Variants in GRHL3 observed in about 807,000 individuals in gnomAD.
GRHL3 encodes grainyhead-like protein 3 homolog.
In GRHL3, 20 loss-of-function variants were observed where a neutral mutation model predicts 70.3. The ratio of observed to expected loss-of-function variants is 0.28; its 90% CI spans 0.20 to 0.41. The LOEUF is 0.41. Among genes scored for constraint, GRHL3 ranks in the 10% least tolerant of loss-of-function variants. The pLI is 1.00. For missense variants in GRHL3, 637 were observed against 762.3 expected (o/e 0.84, Z 1.94); for synonymous variants, 299 against 299.9 (o/e 1.00, Z 0.03).
At chr1:24,341,828 A>T (rs771684186) in intron 8 of GRHL3, among the ~76,000 whole-genome samples, 1 of 152,206 alleles carries the variant, frequency 6.6e-6, no homozygotes, top group Non-Finnish European at 1.5e-5. Context: ...TTGGCAGTCT[A>T]GCGGAAACTG....
rs576999029 is a variant in GRHL3 at position 24,347,680 on chromosome 1, C to T, written c.1629+127C>T. ...GCATGCCGGTGGCCTACCCGTCCCA[C>T]CCTGTCCAGGGGGCCTGAGGGGCCC... On this transcript the variant is annotated intron_variant, in intron 14 of 15. Transcript: ENST00000361548. 4.4e-5 allele frequency: 33 copies of T among 748,624 alleles called. No individual in the cohort carries two copies. The African/African-American group carries it at 5.5e-4, about 12-fold the overall frequency. 46.4% of individuals were successfully genotyped at this position (748,624 alleles called of 1,614,324 possible). A position where few individuals can be genotyped will look rare whatever the true frequency, so the allele number is the denominator to read the frequency against.
intron 15 of GRHL3, among the ~76,000 whole-genome samples, chr1:24,352,920 C>A (rs879550140): frequency 6.6e-6 from 1 of 152,322 alleles, no homozygotes; most frequent in South Asian, 2.1e-4. Context: ...CAGGGAGAGA[C>A]AACTGGATGT....
chr1:24,343,219 T>C, intron 11 of GRHL3, 194 bp downstream of exon 11: 1 of 572,628 alleles, frequency 1.7e-6, no homozygotes, highest in Non-Finnish European at 3.0e-6. Context: ...AAGAGAAGAA[T>C]GTTATGAAGA....
At position 24,331,544 on chromosome 1, in the gene GRHL3, G is replaced by T. The variant is rs764076634; in HGVS notation, c.136G>T (p.Ala46Ser). The change falls in exon 2 of 16, where the codon GCC (alanine) becomes TCC (serine). Residue 46 changes from alanine to serine, a missense_variant. Around this residue, in one of 2 missense-constraint regions of GRHL3, gnomAD observed 250 missense variants for 248.6 expected, o/e 1.01. Transcript: ENST00000361548. ...AAACCCGTTGACAGCTGCCACAAAGGCCATGATGAGAGTCAATGGAGATGA... is the reference window on the plus strand; with the variant it reads ...AAACCCGTTGACAGCTGCCACAAAGTCCATGATGAGAGTCAATGGAGATGA... The part of the protein sequence containing the change: ...LENPLTAATK[A>S]MMRVNGDDDS... 6.2e-7 allele frequency: 1 copy of T among 1,614,126 alleles called. No individual in the cohort carries two copies. The highest frequency in any genetic ancestry group is 8.5e-7 in the Non-Finnish European group (1 of 1,180,004).
downstream of GRHL3, among the ~76,000 whole-genome samples, chr1:24,355,828 C>CTA (rs2148670313): frequency 6.6e-6 from 1 of 152,270 alleles, no homozygotes; most frequent in East Asian, 1.9e-4. Context: ...TTGACAAATG[C>CTA]TACAAATCAA....
chr1:24,347,674 G>A (rs564959237), intron 14 of GRHL3, 121 bp downstream of exon 14: 143 of 754,276 alleles, frequency 1.9e-4, no homozygotes, highest in Non-Finnish European at 2.6e-4. Flanking sequence ...TGGCCTACCC[G>A]TCCCACCCTG....
Position 24,342,869 on chromosome 1 carries a change from C to T in GRHL3, c.1286-23C>T. On this transcript the variant is annotated intron_variant, in intron 10 of 15. Transcript: ENST00000361548. The surrounding 1 kb of genome is among the most constrained non-coding windows in gnomAD (Gnocchi z 4.8). ...ACTTGAGTGGAGGGACCTCGGGGCA[C>T]ATTGGCTTCCTTCTCCCATCAGGCG... 2 of 1,614,196 alleles carry T rather than the reference C, an allele frequency of 1.2e-6. No individual in the cohort carries two copies. The highest frequency in any genetic ancestry group is 1.7e-6 in the Non-Finnish European group (2 of 1,180,026).
intron 15 of GRHL3, among the ~76,000 whole-genome samples, chr1:24,354,016 C>T (rs561170233): frequency 4.9e-4 from 75 of 152,250 alleles, no homozygotes; most frequent in Non-Finnish European, 2.8e-4. Context: ...ACTTCATGTC[C>T]GAGTCCTCAA....
intron 7 of GRHL3, 126 bp downstream of exon 7, chr1:24,338,229 C>T (rs1639902576): frequency 1.6e-6 from 1 of 617,684 alleles, no homozygotes; most frequent in East Asian, 2.9e-5. Flanking sequence ...AGGTCAAACA[C>T]CGTGGGGTTT....
At chr1:24,361,979 C>T (rs979616049) in intron 15 of GRHL3, among the ~76,000 whole-genome samples, 1 of 152,158 alleles carries the variant, frequency 6.6e-6, no homozygotes, top group African/African-American at 2.4e-5. Context: ...GCTACTCTCC[C>T]AACCATGTAA....
At position 24,360,482 on chromosome 1, in the gene GRHL3, G is replaced by A. The variant is rs115218442; in HGVS notation, c.1695-3703G>A. The stretch of plus-strand genomic sequence containing the variant: ...AGTAAAAAAAATTAATAATAATAAA[G>A]AAAAAGAACTTTTCTGACACTCTGA... On this transcript the variant is annotated intron_variant, in intron 15 of 15. Transcript: ENST00000350501. Among the ~76,000 whole-genome samples, 865 of 152,220 alleles carry A rather than the reference G, an allele frequency of 5.7e-3. 8 individuals carry two copies. Among genetic ancestry groups the A allele is most frequent in the African/African-American group, 0.02 (812 of 41,556 alleles).
intron 15 of GRHL3, chr1:24,360,997 G>C: frequency 6.2e-7 from 1 of 1,613,434 alleles, no homozygotes; most frequent in South Asian, 1.1e-5. Context: ...TGGCTTCGGA[G>C]GCAGAGGCGA....
chr1:24,328,583 G>A (rs977158853), intron 1 of GRHL3, among the ~76,000 whole-genome samples: 1 of 152,292 alleles, frequency 6.6e-6, no homozygotes, highest in African/African-American at 2.4e-5. Context: ...AAAGGGTAAG[G>A]TAACTCACAG....
chr1:24,331,658 G>A (rs1639621064), intron 2 of GRHL3, 46 bp downstream of exon 2: 1 of 1,545,754 alleles, frequency 6.5e-7, no homozygotes, highest in Non-Finnish European at 8.8e-7. Context: ...CTGAATGGGT[G>A]TCTTCACTTC....
At position 24,334,308 on chromosome 1, in the gene GRHL3, A is replaced by T. The variant is rs1012841603; in HGVS notation, c.205-337A>T. 6.6e-6 allele frequency among the ~76,000 whole-genome samples: 1 copy of T among 152,194 alleles called. No homozygotes were observed. The highest frequency in any genetic ancestry group is 1.5e-5 in the Non-Finnish European group (1 of 68,034). ...AGGGAGGCGTCAGGAAACTTAAATCATGGAGGAAGGGGAAGCAAACACATC... is the reference window on the plus strand; with the variant it reads ...AGGGAGGCGTCAGGAAACTTAAATCTTGGAGGAAGGGGAAGCAAACACATC... On this transcript the variant is annotated intron_variant, in intron 2 of 15. Coordinates refer to ENST00000361548, the MANE Select transcript of GRHL3 (RefSeq NM_198173.3). This position sits in a 1 kb window ranked among gnomAD's most constrained non-coding sequence, Gnocchi z 4.3.
chr1:24,323,045 A>G, intron 1 of GRHL3: 3 of 1,546,316 alleles, frequency 1.9e-6, no homozygotes, highest in Non-Finnish European at 2.6e-6. Flanking sequence ...GACAGAGGAG[A>G]TGTGCCAAAC....
At position 24,344,891 on chromosome 1, in the gene GRHL3, T is replaced by C. The variant is rs372105800; in HGVS notation, c.1420-6T>C. 13 of 1,613,504 alleles carry C rather than the reference T, an allele frequency of 8.1e-6. No homozygotes were observed. The highest frequency in any genetic ancestry group is 8.0e-5 in the African/African-American group (6 of 74,782). On this transcript the variant is annotated splice_polypyrimidine_tract_variant and splice_region_variant and intron_variant, in intron 11 of 15. Coordinates refer to ENST00000361548, the MANE Select transcript of GRHL3 (RefSeq NM_198173.3). ...GATGGAAAATGTCTTTTTCACTTCA[T>C]TGCAGGCAGCCCCCTCGGCAGGACC...
chr1:24,359,118 A>G (rs1228827608), downstream of GRHL3, among the ~76,000 whole-genome samples: 1 of 152,150 alleles, frequency 6.6e-6, no homozygotes, highest in Non-Finnish European at 1.5e-5. The surrounding 1 kb of genome is among the most constrained non-coding windows in gnomAD (Gnocchi z 5.3). Flanking sequence ...CTCTGTTCCT[A>G]TACTTGGAAA....
intron 12 of GRHL3, among the ~76,000 whole-genome samples, chr1:24,346,289 T>C (rs1415430806): frequency 1.3e-5 from 2 of 152,178 alleles, no homozygotes; most frequent in African/African-American, 4.8e-5. Flanking sequence ...CTATCATTGC[T>C]TTCTCATCAT....
Sources: allele counts gnomAD v4.1 joint callset (sites outside exome capture counted in the v4.1 genomes callset), GRCh38; gene constraint gnomAD v4.1.1; regional missense constraint gnomAD v4.1.1; non-coding constraint Gnocchi (gnomAD v3.1); transcripts MANE v1.5; gene names NCBI Gene and HGNC (gene_info 2026-07-23, HGNC 2026-07-21).